Variants in ARHGAP10 observed in about 807,000 individuals in gnomAD.
ARHGAP10 encodes the protein rho GTPase-activating protein 10.
ARHGAP10 carries 87 observed loss-of-function variants against 108.6 expected under a neutral mutation model. The ratio of observed to expected loss-of-function variants is 0.80; its 90% CI spans 0.67 to 0.96. The LOEUF is 0.96. Ranked by LOEUF, ARHGAP10 falls within the 40% of genes least tolerant of loss-of-function variation. The pLI is 0.00. For missense variants in ARHGAP10, 939 were observed against 954.5 expected, an observed-to-expected ratio of 0.98 and a Z score of 0.21; for synonymous variants, 347 against 341.1, an observed-to-expected ratio of 1.02 and a Z score of -0.19.
chr4:148,000,426 T>C (rs1740665298), intron 18 of ARHGAP10, among the ~76,000 whole-genome samples: 1 of 152,234 alleles, frequency 6.6e-6, no homozygotes, highest in Non-Finnish European at 1.5e-5. Context: ...TTTATAATCC[T>C]TTGTGTACAT....
At chr4:147,928,828 A>G (rs1339767401) in intron 13 of ARHGAP10, among the ~76,000 whole-genome samples, 1 of 152,230 alleles carries the variant, frequency 6.6e-6, no homozygotes, top group Non-Finnish European at 1.5e-5. Flanking sequence ...TTATACTACA[A>G]TTAAAGCTTG....
intron 3 of ARHGAP10, among the ~76,000 whole-genome samples, chr4:147,841,958 A>C (rs962395372): frequency 1.3e-5 from 2 of 152,106 alleles, no homozygotes; most frequent in Admixed American, 6.5e-5. Flanking sequence ...CCCAAGATGG[A>C]GTCTTGCTCT....
intron 3 of ARHGAP10, among the ~76,000 whole-genome samples, chr4:147,839,996 G>A (rs1733346443): frequency 6.6e-6 from 1 of 152,170 alleles, no homozygotes; most frequent in South Asian, 2.1e-4. Flanking sequence ...CAAAACTACA[G>A]CATGGAAATG....
intron 13 of ARHGAP10, among the ~76,000 whole-genome samples, chr4:147,918,649 C>A (rs1256343729): frequency 6.6e-6 from 1 of 152,184 alleles, no homozygotes; most frequent in Non-Finnish European, 1.5e-5. Context: ...CCCTAGCTGT[C>A]CAGCCTACCT....
intron 14 of ARHGAP10, among the ~76,000 whole-genome samples, chr4:147,941,321 C>G (rs1022970399): frequency 1.3e-5 from 2 of 152,136 alleles, no homozygotes; most frequent in South Asian, 2.1e-4. Flanking sequence ...GCTAAGCTGT[C>G]TCAAAATTTG....
chr4:147,828,677 T>A (rs763619349), intron 3 of ARHGAP10, among the ~76,000 whole-genome samples: 18 of 152,144 alleles, frequency 1.2e-4, no homozygotes, highest in Non-Finnish European at 2.5e-4. Flanking sequence ...ACTGTTGAAA[T>A]TTCGAAAAGA....
At chr4:147,937,846 G>A (rs960596709) in intron 13 of ARHGAP10, among the ~76,000 whole-genome samples, 3 of 152,174 alleles carry the variant, frequency 2.0e-5, no homozygotes, top group African/African-American at 7.2e-5. Context: ...GGGTGTGGTG[G>A]CATATGCCTG....
chr4:147,909,787 C>T lies in ARHGAP10; in HGVS notation c.1162+10C>T, dbSNP rs761703642. On this transcript the variant is annotated intron_variant, in intron 12 of 22. Coordinates refer to ENST00000336498, the MANE Select transcript of ARHGAP10 (RefSeq NM_024605.4). Reference sequence around the variant, plus strand: ...CCAAGACCAGAAGGAAGTAAGTGCTCATTTATAAAAATGATTGTATCCTCC... The same window carrying T: ...CCAAGACCAGAAGGAAGTAAGTGCTTATTTATAAAAATGATTGTATCCTCC... The T allele has an allele frequency of 1.2e-5, 19 of 1,602,174 alleles. No individual in the cohort carries two copies. In the South Asian group the frequency reaches 2.0e-4, roughly 17 times the overall value.
intron 19 of ARHGAP10, among the ~76,000 whole-genome samples, chr4:148,031,602 G>A (rs527509446): frequency 8.9e-4 from 135 of 152,296 alleles, no homozygotes; most frequent in African/African-American, 2.2e-3. Flanking sequence ...CATTTGTCTT[G>A]TGGTTCCTTT....
chr4:147,877,943 T>C (rs909899142), intron 8 of ARHGAP10, among the ~76,000 whole-genome samples: 13 of 151,732 alleles, frequency 8.6e-5, no homozygotes, highest in African/African-American at 3.2e-4. Flanking sequence ...ACCAATGTTA[T>C]TTTATTTTAT....
At chr4:147,868,941 C>T (rs1734685351) in intron 7 of ARHGAP10, among the ~76,000 whole-genome samples, 1 of 152,166 alleles carries the variant, frequency 6.6e-6, no homozygotes, top group East Asian at 1.9e-4. Context: ...TTGGGGACCC[C>T]TGCTTGAGAT....
At chr4:147,921,318 A>AG (rs998681453) in intron 13 of ARHGAP10, among the ~76,000 whole-genome samples, 1 of 152,234 alleles carries the variant, frequency 6.6e-6, no homozygotes, top group Non-Finnish European at 1.5e-5. Context: ...CAGGAGCACT[A>AG]GGGGTGCTTC....
chr4:148,043,776 G>A (rs1476518110), intron 19 of ARHGAP10, among the ~76,000 whole-genome samples: 1 of 143,690 alleles, frequency 7.0e-6, no homozygotes, highest in African/African-American at 2.5e-5. Flanking sequence ...GTATATATAT[G>A]TATATATATA....
At chr4:147,741,252 C>T (rs1402485784) in intron 1 of ARHGAP10, among the ~76,000 whole-genome samples, 1 of 152,136 alleles carries the variant, frequency 6.6e-6, no homozygotes, top group Non-Finnish European at 1.5e-5. Context: ...ATTTAGGATA[C>T]TAGCTTTCAA....
intron 18 of ARHGAP10, among the ~76,000 whole-genome samples, chr4:147,983,764 G>T (rs2149629432): frequency 6.7e-6 from 1 of 148,330 alleles, no homozygotes; most frequent in South Asian, 2.4e-4. Context: ...GCATTTCTTT[G>T]CTATCCATAT....
intron 3 of ARHGAP10, among the ~76,000 whole-genome samples, chr4:147,828,406 A>C (rs1732811078): frequency 6.6e-6 from 1 of 152,190 alleles, no homozygotes; most frequent in Admixed American, 6.5e-5. Context: ...TCTATGCTTA[A>C]ATAGGCTGTA....
chr4:147,802,242 T>C (rs993663230), intron 1 of ARHGAP10, among the ~76,000 whole-genome samples: 3 of 152,218 alleles, frequency 2.0e-5, no homozygotes, highest in Non-Finnish European at 4.4e-5. Flanking sequence ...GAATTAAACA[T>C]ACTGGGTTTT....
At chr4:147,801,178 A>G (rs1432574075) in intron 1 of ARHGAP10, among the ~76,000 whole-genome samples, 1 of 152,226 alleles carries the variant, frequency 6.6e-6, no homozygotes, top group Admixed American at 6.5e-5. Context: ...TTATTTTTCT[A>G]CGTTCAGTAA....
chr4:148,068,078 C>T (rs1733561900), intron 22 of ARHGAP10, among the ~76,000 whole-genome samples: 1 of 151,928 alleles, frequency 6.6e-6, no homozygotes, highest in African/African-American at 2.4e-5. Flanking sequence ...TTTCTCTGGG[C>T]CTGGGGAATC....
Sources: gnomAD v4.1 joint callset for allele counts (sites outside exome capture counted in the v4.1 genomes callset) on GRCh38, gnomAD v4.1.1 for gene constraint, MANE v1.5 for transcripts, NCBI Gene and HGNC (gene_info 2026-07-23, HGNC 2026-07-21) for gene names.